AKAP9: variants seen among roughly 807,000 people sequenced by gnomAD.
AKAP9 encodes the protein A-kinase anchor protein 9.
AKAP9 carries 311 observed loss-of-function variants against 488.5 expected under a neutral mutation model. The observed-to-expected ratio is 0.64, with a 90% CI of 0.58 to 0.70. The LOEUF (loss-of-function observed/expected upper bound fraction) is 0.70, where lower values mean the gene tolerates loss of function less well. AKAP9 is among the 30% of genes least tolerant of loss of function. The pLI, the probability that AKAP9 is intolerant of heterozygous loss-of-function variation, is 0.00. For missense variants in AKAP9, 4,215 were observed against 4,374.5 expected (o/e 0.96, Z 1.03); for synonymous variants, 1,462 against 1,483.5 (o/e 0.99, Z 0.33).
chr7:92,038,463 G>A lies in AKAP9; in HGVS notation c.4383G>A (p.Leu1461=). 1 of 1,613,894 alleles carries A rather than the reference G, an allele frequency of 6.2e-7. No individual in the cohort carries two copies. The highest frequency in any genetic ancestry group is 1.1e-5 in the South Asian group (1 of 91,068). ...TAGCATTTGCTCAACAAACTGAACT[G>A]TCTAGAATATCTGGGGGAAAAGAAA... ...MSIAFAQQTE[L]SRISGGKENT... is the part of the protein sequence containing the mutation. The change falls in exon 17 of 50, where the codon CTG becomes CTA. Residue 1461 remains leucine, a synonymous_variant. Coordinates refer to ENST00000356239, the MANE Select transcript of AKAP9 (RefSeq NM_005751.5).
Position 92,081,915 on chromosome 7 carries a change from T to C in AKAP9, c.8020-607T>C, listed in dbSNP as rs113700762. ...GAATAATAATTCCCTGGCTTTTTCC[T>C]CCTTCATTGGAACTAAGTTACTTAA... On this transcript the variant is annotated intron_variant, in intron 31 of 49. Coordinates refer to ENST00000356239, the MANE Select transcript of AKAP9 (RefSeq NM_005751.5). 5.1e-3 allele frequency among the ~76,000 whole-genome samples: 781 copies of C among 152,266 alleles called. 6 individuals are homozygous for C. Among genetic ancestry groups the C allele is most frequent in the African/African-American group, 0.018 (740 of 41,544 alleles).
intron 3 of AKAP9, among the ~76,000 whole-genome samples, chr7:91,984,901 T>C (rs964130745): frequency 6.6e-6 from 1 of 152,200 alleles, no homozygotes; most frequent in Non-Finnish European, 1.5e-5. Context: ...GAATTGTGAA[T>C]GGGAATTCAC....
At position 92,109,481 on chromosome 7, in the gene AKAP9, C is replaced by A. The variant is rs190991828; in HGVS notation, c.11687-641C>A. ...TTTTGAGCATCCAAATTTCACAAGA[C>A]CCAGATTTTGAAGACCAAAAGATTT... On this transcript the variant is annotated intron_variant, in intron 49 of 49. Transcript: ENST00000356239. Among the ~76,000 whole-genome samples, 720 of 152,190 alleles carry A rather than the reference C, an allele frequency of 4.7e-3. 5 individuals carry two copies. The highest frequency in any genetic ancestry group is 5.8e-3 in the Non-Finnish European group (395 of 68,024).
intron 12 of AKAP9, among the ~76,000 whole-genome samples, chr7:92,018,595 G>A (rs1311067908): frequency 2.0e-5 from 3 of 152,114 alleles, no homozygotes; most frequent in Admixed American, 1.3e-4. Flanking sequence ...ATAAACACAT[G>A]CTCAGTGTAC....
In AKAP9 at chr7:92,089,505, C is replaced by G; in HGVS notation, c.9334C>G (p.Gln3112Glu). Residue 3112 changes from glutamine to glutamate, a missense_variant, in exon 38 of 50, where the codon CAA (glutamine) becomes GAA (glutamate). Gln to Glu is a conservative substitution (Grantham distance 29). Transcript: ENST00000356239. ...TAGGAAAATTACTCTGAAAAGAGAA[C>G]AAGAGAGTGAGAAACCAAGCCAAGG... ...NGRKITLKRE[Q>E]ESEKPSQELL... The G allele has an allele frequency of 6.2e-7, 1 of 1,613,358 alleles. No individual in the cohort carries two copies. The highest frequency in any genetic ancestry group is 1.1e-5 in the South Asian group (1 of 91,026).
chr7:92,032,967 G>A (rs553427288), intron 16 of AKAP9, among the ~76,000 whole-genome samples: 21 of 152,226 alleles, frequency 1.4e-4, no homozygotes, highest in African/African-American at 4.6e-4. Flanking sequence ...CTTAACTTGT[G>A]AATCTCAGCG....
At chr7:91,970,857 T>C (rs957779300) in intron 1 of AKAP9, among the ~76,000 whole-genome samples, 9 of 152,228 alleles carry the variant, frequency 5.9e-5, no homozygotes, top group Non-Finnish European at 2.9e-5. Context: ...TGCTTTGTTC[T>C]CTAACGTTCC....
At chr7:92,008,170 T>C (rs1469481473) in intron 8 of AKAP9, among the ~76,000 whole-genome samples, 1 of 147,432 alleles carries the variant, frequency 6.8e-6, no homozygotes, top group Non-Finnish European at 1.5e-5. Context: ...GAGTTCAAGA[T>C]TGACCTGATC....
intron 29 of AKAP9, among the ~76,000 whole-genome samples, chr7:92,077,381 A>T (rs1812789274): frequency 6.6e-6 from 1 of 151,998 alleles, no homozygotes; most frequent in South Asian, 2.1e-4. Flanking sequence ...GTGAGCCACC[A>T]CACCTGGCCC....
chr7:91,960,646 CTG>C (rs1321442201), intron 1 of AKAP9, among the ~76,000 whole-genome samples: 2 of 152,122 alleles, frequency 1.3e-5, no homozygotes, highest in African/African-American at 2.4e-5. Context: ...TGATATATTT[CTG>C]TGTTTATCTA....
intron 7 of AKAP9, 69 bp downstream of exon 7, chr7:91,995,869 G>A: frequency 8.6e-7 from 1 of 1,158,548 alleles, no homozygotes; most frequent in Non-Finnish European, 1.2e-6. Flanking sequence ...TATGCAAGTG[G>A]TTTTTTTTTG....
intron 1 of AKAP9, among the ~76,000 whole-genome samples, chr7:91,946,203 A>AT (rs1370107638): frequency 2.0e-5 from 3 of 152,178 alleles, no homozygotes; most frequent in Non-Finnish European, 4.4e-5. Context: ...TTCTTTGCAT[A>AT]TTTCAGATAC....
In AKAP9 at chr7:91,961,904, T is replaced by C. The variant is rs76661327; in HGVS notation, c.49-11807T>C. Among the ~76,000 whole-genome samples, 5 of 152,360 alleles carry C rather than the reference T, an allele frequency of 3.3e-5. No individual in the cohort carries two copies. In the East Asian group the frequency reaches 9.7e-4, roughly 29 times the overall value. On this transcript the variant is annotated intron_variant, in intron 1 of 49. Transcript: ENST00000356239. ...TTATTTGTATTAAGTCATTTATTCA[T>C]GTTCTGATCAGGGTAAGACATTTGC...
intron 17 of AKAP9, 28 bp from the exon 18 acceptor site, chr7:92,040,646 G>GTTGTT: frequency 8.9e-7 from 1 of 1,118,614 alleles, no homozygotes; most frequent in Non-Finnish European, 1.3e-6. Context: ...TGGTTGAATT[G>GTTGTT]TTTTTTTTTT....
intron 2 of AKAP9, among the ~76,000 whole-genome samples, chr7:91,976,182 C>G (rs1275635154): frequency 1.3e-5 from 2 of 152,136 alleles, no homozygotes; most frequent in African/African-American, 4.8e-5. Flanking sequence ...CTCAGCCTCC[C>G]AAAGTGCTGG....
At chr7:91,964,495 A>G (rs1419052226) in intron 1 of AKAP9, among the ~76,000 whole-genome samples, 2 of 151,708 alleles carry the variant, frequency 1.3e-5, no homozygotes, top group Admixed American at 1.3e-4. Context: ...ATAAATGGGT[A>G]CAATGTACAC....
intron 26 of AKAP9, among the ~76,000 whole-genome samples, chr7:92,067,494 A>G (rs1810963025): frequency 2.0e-5 from 3 of 152,182 alleles, no homozygotes; most frequent in African/African-American, 7.2e-5. Context: ...CTGATGGGTC[A>G]GACTGCACTA....
In AKAP9 at chr7:91,973,890, T is replaced by C. The variant is rs1795366964; in HGVS notation, c.228T>C (p.Thr76=). The change falls in exon 2 of 50, where the codon ACT becomes ACC. Residue 76 remains threonine, a synonymous_variant. Transcript: ENST00000356239. ...YINSSQRVES[T]VIPESTIMRT... is the part of the protein sequence containing the mutation. The stretch of plus-strand genomic sequence containing the variant: ...ATAGTTCTCAGAGAGTAGAATCAAC[T>C]GTGATTCCTGAATCTACAATAATGA... 6.2e-7 allele frequency: 1 copy of C among 1,613,932 alleles called. No homozygotes were observed. The highest frequency in any genetic ancestry group is 8.5e-7 in the Non-Finnish European group (1 of 1,179,826).
In AKAP9 at chr7:92,108,645, T is replaced by G. The variant is rs1438839686; in HGVS notation, c.11686+12T>G. 1 of 1,614,122 alleles carries G rather than the reference T, an allele frequency of 6.2e-7. No individual in the cohort carries two copies. The highest frequency in any genetic ancestry group is 1.7e-5 in the Admixed American group (1 of 60,020). ...AACTATACAGTCAGGTGCTCTGAGTTTAACCACATCTTGGCAGCACCACAG... is the reference window on the plus strand; with the variant it reads ...AACTATACAGTCAGGTGCTCTGAGTGTAACCACATCTTGGCAGCACCACAG... On this transcript the variant is annotated intron_variant, in intron 49 of 49. Transcript: ENST00000356239.
Sources: allele counts gnomAD v4.1 joint callset (sites outside exome capture counted in the v4.1 genomes callset), GRCh38; gene constraint gnomAD v4.1.1; transcripts MANE v1.5; gene names NCBI Gene and HGNC (gene_info 2026-07-23, HGNC 2026-07-21).